Variants in MRNIP observed in about 807,000 individuals in gnomAD.
MRNIP encodes the protein MRN complex-interacting protein.
Under a neutral mutation model 29.8 loss-of-function variants are expected in MRNIP, and 30 were observed. That is an observed-to-expected ratio of 1.01 (90% CI 0.75 to 1.36). MRNIP has a LOEUF of 1.36. Among genes scored for constraint, MRNIP ranks in the 40% most tolerant of loss-of-function variants. MRNIP has a pLI of 0.00. For synonymous variants in MRNIP, 201 were observed against 164.1 expected, an observed-to-expected ratio of 1.23 and a Z score of -1.72; for missense variants, 459 against 423.5, an observed-to-expected ratio of 1.08 and a Z score of -0.74.
Position 179,842,066 on chromosome 5 carries a change from T to G in MRNIP, c.292-2A>C. 1 of 1,612,742 alleles carries G rather than the reference T, an allele frequency of 6.2e-7. No individual in the cohort carries two copies. The highest frequency in any genetic ancestry group is 1.3e-5 in the African/African-American group (1 of 74,908). ...ACTCTCTGAGGGCTGCGATTTTTCC[T>G]GCCAGATTGAGAAAAAAGTTGATTC... On this transcript the variant is annotated splice_acceptor_variant, in intron 4 of 6. Transcript: ENST00000292586. LOFTEE classifies it high-confidence loss of function.
chr5:179,850,171 T>C (rs1759310798), intron 2 of MRNIP, among the ~76,000 whole-genome samples: 1 of 151,708 alleles, frequency 6.6e-6, no homozygotes, highest in South Asian at 2.1e-4. Flanking sequence ...AGATCCTGGG[T>C]CCTGCTATGG....
chr5:179,842,889 C>T (rs886255006), intron 4 of MRNIP, among the ~76,000 whole-genome samples: 35 of 151,210 alleles, frequency 2.3e-4, no homozygotes, highest in African/African-American at 4.6e-4. Context: ...AAAAATTAGC[C>T]GGGCGTGGTG....
intron 3 of MRNIP, among the ~76,000 whole-genome samples, chr5:179,845,595 A>C (rs932226556): frequency 6.6e-6 from 1 of 151,834 alleles, no homozygotes; most frequent in African/African-American, 2.4e-5. Flanking sequence ...TCCCAGGCTC[A>C]AGCGATTCTT....
chr5:179,853,381 C>T lies in MRNIP; in HGVS notation c.123G>A (p.Leu41=). The change falls in exon 2 of 7, where the codon TTG becomes TTA. Residue 41 remains leucine, a synonymous_variant. Transcript: ENST00000292586. ...CTTTCTGTTTTGTAGGACTCACCTGCAAAAAGGACTGCTTCTCTCCACAAG... is the reference window on the plus strand; with the variant it reads ...CTTTCTGTTTTGTAGGACTCACCTGTAAAAAGGACTGCTTCTCTCCACAAG... The part of the protein sequence containing the change: ...CKACGEKQSF[L]QAYGEGSGAD... 6.2e-7 allele frequency: 1 copy of T among 1,611,646 alleles called. No homozygotes were observed. Among genetic ancestry groups the T allele is most frequent in the Non-Finnish European group, 8.5e-7 (1 of 1,179,270 alleles).
intron 1 of MRNIP, among the ~76,000 whole-genome samples, chr5:179,857,271 G>C (rs904103737): frequency 6.6e-6 from 1 of 151,956 alleles, no homozygotes; most frequent in South Asian, 2.1e-4. Context: ...GACCTTCCTG[G>C]TCAACATGGT....
rs1359404862 is a variant in MRNIP at position 179,852,217 on chromosome 5, C to T, written c.126+1161G>A. 4.0e-5 allele frequency among the ~76,000 whole-genome samples: 6 copies of T among 149,064 alleles called. No individual in the cohort carries two copies. The East Asian group carries it at 9.9e-4, about 25-fold the overall frequency. ...AGGAAAACTGCTTAAACCCGGGAGG[C>T]GAAGGTTGCAGTGAGCCGAGATTGC... is the stretch of plus-strand genomic sequence containing the variant. On this transcript the variant is annotated intron_variant, in intron 2 of 6. Coordinates refer to ENST00000292586, the MANE Select transcript of MRNIP (RefSeq NM_016175.4).
At position 179,837,524 on chromosome 5, in the gene MRNIP, C is replaced by T. The variant is rs1758647041; in HGVS notation, c.899G>A (p.Cys300Tyr). The change falls in exon 7 of 7, where the codon TGC becomes TAC. Residue 300 changes from cysteine to tyrosine, a missense_variant. Physicochemically the swap from Cys to Tyr is radical, Grantham distance 194 (BLOSUM62 -2). Transcript: ENST00000292586. ...HPVTSGSERP[C>Y]GKTSWDARTP... ...CCTTGCGTCCCATGAGGTCTTCCCG[C>T]AAGGCCTCTCAGACCCAGATGTGAC... 1.9e-6 allele frequency: 3 copies of T among 1,614,104 alleles called. No homozygotes were observed. The highest frequency in any genetic ancestry group is 2.5e-6 in the Non-Finnish European group (3 of 1,180,036).
chr5:179,841,791 C>T (rs537377844), intron 5 of MRNIP, 116 bp downstream of exon 5: 2 of 1,118,242 alleles, frequency 1.8e-6, no homozygotes, highest in South Asian at 3.0e-5. Flanking sequence ...CACCTGCTGG[C>T]ACTTGCCACC....
At position 179,842,025 on chromosome 5, in the gene MRNIP, G is replaced by A. The variant is rs370766191; in HGVS notation, c.331C>T (p.Leu111=). ...QPSESRWLKY[L]EKDSQELELE... is the part of the protein sequence containing the mutation. ...TCCAGTTCTTGGGAGTCCTTTTCTA[G>A]ATACTTCAGCCAGCGACTCTCTGAG... The change falls in exon 5 of 7, where the codon CTA becomes TTA. Residue 111 remains leucine (L), a synonymous_variant. Coordinates refer to ENST00000292586, the MANE Select transcript of MRNIP (RefSeq NM_016175.4). 6 of 1,613,992 alleles carry A rather than the reference G, an allele frequency of 3.7e-6. No individual in the cohort carries two copies. The African/African-American group carries it at 8.0e-5, about 22-fold the overall frequency.
intron 2 of MRNIP, chr5:179,851,388 T>C: frequency 2.2e-6 from 1 of 456,022 alleles, no homozygotes; most frequent in Non-Finnish European, 4.4e-6. Context: ...TGGAATGAGA[T>C]TCTATGGACT....
Position 179,837,290 on chromosome 5 carries a change from T to C in MRNIP, c.*101A>G. On this transcript the variant is annotated 3_prime_UTR_variant, in exon 7 of 7. Transcript: ENST00000292586. ...ATAGAGAGAAATGATTGACAGTAAGTTTATTGTTAATGGTTCTTACAGAGT... is the reference window on the plus strand; with the variant it reads ...ATAGAGAGAAATGATTGACAGTAAGCTTATTGTTAATGGTTCTTACAGAGT... The C allele has an allele frequency of 1.9e-6, 3 of 1,607,536 alleles. No homozygotes were observed. The highest frequency in any genetic ancestry group is 1.7e-6 in the Non-Finnish European group (2 of 1,177,828).
At chr5:179,841,025 G>T in intron 5 of MRNIP, 66 bp from the exon 6 acceptor site, 1 of 1,183,874 alleles carries the variant, frequency 8.4e-7, no homozygotes, top group Non-Finnish European at 1.2e-6. Context: ...CTGACTCCAC[G>T]ATCACATGGC....
chr5:179,841,676 AG>A (rs1758883355), intron 5 of MRNIP: 2 of 579,934 alleles, frequency 3.4e-6, no homozygotes, highest in African/African-American at 3.7e-5. Flanking sequence ...GGCATCATAA[AG>A]GGTGTGCACA....
chr5:179,853,377 C>G lies in MRNIP; in HGVS notation c.126+1G>C. 6.2e-7 allele frequency: 1 copy of G among 1,613,088 alleles called. No individual in the cohort carries two copies. The highest frequency in any genetic ancestry group is 8.5e-7 in the Non-Finnish European group (1 of 1,179,574). ...CTTGCTTTCTGTTTTGTAGGACTCACCTGCAAAAAGGACTGCTTCTCTCCA... is the reference window on the plus strand; with the variant it reads ...CTTGCTTTCTGTTTTGTAGGACTCAGCTGCAAAAAGGACTGCTTCTCTCCA... On this transcript the variant is annotated splice_donor_variant, in intron 2 of 6. Coordinates refer to ENST00000292586, the MANE Select transcript of MRNIP (RefSeq NM_016175.4). LOFTEE classifies it high-confidence loss of function.
intron 1 of MRNIP, 52 bp downstream of exon 1, chr5:179,858,679 C>T (rs1480534018): frequency 1.2e-5 from 15 of 1,226,670 alleles, no homozygotes; most frequent in Non-Finnish European, 1.6e-5. Flanking sequence ...CGCCACTCCC[C>T]GTCCGCTGTC....
chr5:179,844,987 TATCTC>T (rs1759070466), intron 3 of MRNIP, among the ~76,000 whole-genome samples: 1 of 152,232 alleles, frequency 6.6e-6, no homozygotes, highest in Non-Finnish European at 1.5e-5. Flanking sequence ...GCTGTGCTCT[TATCTC>T]TTCAGTTATT....
intron 2 of MRNIP, among the ~76,000 whole-genome samples, chr5:179,851,932 G>A (rs1050485313): frequency 1.3e-5 from 2 of 151,506 alleles, no homozygotes; most frequent in Non-Finnish European, 2.9e-5. Context: ...GAGCGAGATC[G>A]CACCACTGCA....
chr5:179,840,109 TAATTA>T (rs1238753611), intron 6 of MRNIP: 2 of 152,256 alleles, frequency 1.3e-5, no homozygotes, highest in African/African-American at 4.8e-5. Context: ...CACGCCCAGC[TAATTA>T]TTTTTAGTAG....
intron 1 of MRNIP, among the ~76,000 whole-genome samples, chr5:179,855,751 C>A (rs887508445): frequency 2.6e-5 from 4 of 151,974 alleles, no homozygotes; most frequent in Non-Finnish European, 5.9e-5. Flanking sequence ...ATGAGGTTTT[C>A]GGGGGAAGTA....
Sources: gnomAD v4.1 joint callset for allele counts (sites outside exome capture counted in the v4.1 genomes callset) on GRCh38, gnomAD v4.1.1 for gene constraint, MANE v1.5 for transcripts, NCBI Gene and HGNC (gene_info 2026-07-23, HGNC 2026-07-21) for gene names.